Variants in NRXN1 observed in about 807,000 individuals in gnomAD.
The protein encoded by NRXN1 is neurexin 1, also known as neurexin-1.
Under a neutral mutation model 150.9 loss-of-function variants are expected in NRXN1, and 39 were observed. The ratio of observed to expected loss-of-function variants is 0.26; its 90% CI spans 0.20 to 0.34. The LOEUF is 0.34. NRXN1 is among the 10% of genes least tolerant of loss of function. The pLI, the probability that NRXN1 is intolerant of heterozygous loss-of-function variation, is 1.00. For synonymous variants in NRXN1, 924 were observed against 757.0 expected (o/e 1.22, Z -3.62); for missense variants, 1,815 against 1,949.9 (o/e 0.93, Z 1.30).
At position 49,921,915 on chromosome 2, in the gene NRXN1, T is replaced by C. The variant is rs749213325; in HGVS notation, c.*29A>G. On this transcript the variant is annotated 3_prime_UTR_variant, in exon 23 of 23. Transcript: ENST00000401669. ...TCTCAGATAAAATGAAGACTATTTC[T>C]ATACAAGTGTCCATTTAAGATCTTG... 4.4e-6 allele frequency: 7 copies of C among 1,601,322 alleles called. No homozygotes were observed. Among genetic ancestry groups the C allele is most frequent in the Non-Finnish European group, 6.0e-6 (7 of 1,168,428 alleles).
intron 19 of NRXN1, among the ~76,000 whole-genome samples, chr2:50,077,845 C>T (rs1245182910): frequency 6.6e-6 from 1 of 151,990 alleles, no homozygotes; most frequent in South Asian, 2.1e-4. Flanking sequence ...ATAATATGCC[C>T]AAGATGACAA....
At chr2:50,220,670 C>T (rs1205873699) in intron 18 of NRXN1, among the ~76,000 whole-genome samples, 1 of 151,996 alleles carries the variant, frequency 6.6e-6, no homozygotes, top group Non-Finnish European at 1.5e-5. Flanking sequence ...ATTATCAGTT[C>T]CACGTCTTTT....
chr2:50,985,376 A>G (rs1697527281), intron 2 of NRXN1: 1 of 151,936 alleles, frequency 6.6e-6, no homozygotes, highest in Non-Finnish European at 1.5e-5. Context: ...AAAATTACCT[A>G]TATTAGAAGA....
intron 21 of NRXN1, chr2:50,019,399 C>T: frequency 2.2e-6 from 1 of 453,126 alleles, no homozygotes; most frequent in Non-Finnish European, 4.5e-6. Context: ...AATCCTAGCA[C>T]TTTGGGAGGC....
intron 17 of NRXN1, among the ~76,000 whole-genome samples, chr2:50,291,979 C>G (rs2072981979): frequency 6.6e-6 from 1 of 152,068 alleles, no homozygotes; most frequent in South Asian, 2.1e-4. Context: ...CGGTAGATAA[C>G]TCACCCACAG....
At chr2:50,005,207 T>G (rs1036049907) in intron 21 of NRXN1, among the ~76,000 whole-genome samples, 1 of 152,094 alleles carries the variant, frequency 6.6e-6, no homozygotes, top group Non-Finnish European at 1.5e-5. Context: ...ATAATTCTTA[T>G]AACTACACAC....
intron 18 of NRXN1, among the ~76,000 whole-genome samples, chr2:50,100,437 G>C (rs1245343528): frequency 6.6e-6 from 1 of 152,062 alleles, no homozygotes; most frequent in Admixed American, 6.6e-5. Context: ...ACAATGTCAA[G>C]ATGAATTTAG....
chr2:50,637,883 A>C (rs1414379891), intron 5 of NRXN1, among the ~76,000 whole-genome samples: 2 of 152,090 alleles, frequency 1.3e-5, no homozygotes, highest in African/African-American at 4.8e-5. Context: ...TTTAAAAAAA[A>C]AAATTTTCCT....
intron 5 of NRXN1, among the ~76,000 whole-genome samples, chr2:50,908,200 T>C (rs1487716543): frequency 2.6e-5 from 4 of 152,094 alleles, no homozygotes; most frequent in African/African-American, 7.2e-5. Flanking sequence ...TAATGTTTCA[T>C]GTTTTAAAGT....
At chr2:49,981,560 T>C (rs1679994755) in intron 21 of NRXN1, among the ~76,000 whole-genome samples, 2 of 152,066 alleles carry the variant, frequency 1.3e-5, no homozygotes, top group Non-Finnish European at 2.9e-5. Flanking sequence ...TTTCCCGCTC[T>C]TGATAATGAC....
rs116424671 is a variant in NRXN1, at chr2:51,020,696, C to T, written c.772+6806G>A. ...AGTCTGATTAGGTGGTTTCCCAATT[C>T]GCAACCTTAGAAAATGAAACAGAAC... is the stretch of plus-strand genomic sequence containing the variant. On this transcript the variant is annotated intron_variant, in intron 2 of 22. Transcript: ENST00000401669. Among the ~76,000 whole-genome samples the T allele has an allele frequency of 7.8e-3, 1,193 of 152,014 alleles. 20 individuals are homozygous for T. The highest frequency in any genetic ancestry group is 0.027 in the African/African-American group (1,110 of 41,504).
chr2:50,551,856 C>T (rs1420370830), intron 9 of NRXN1, among the ~76,000 whole-genome samples: 1 of 151,928 alleles, frequency 6.6e-6, no homozygotes, highest in Non-Finnish European at 1.5e-5. Flanking sequence ...TCTCTGCTTC[C>T]TGGATGATTA....
chr2:50,993,907 G>A (rs761260704), intron 2 of NRXN1, among the ~76,000 whole-genome samples: 5 of 151,832 alleles, frequency 3.3e-5, no homozygotes, highest in Non-Finnish European at 7.4e-5. Context: ...TTCTTTAACC[G>A]GCATGTATTT....
intron 13 of NRXN1, among the ~76,000 whole-genome samples, chr2:50,500,999 G>C (rs1034041376): frequency 3.9e-5 from 6 of 152,192 alleles, no homozygotes; most frequent in Non-Finnish European, 7.3e-5. Flanking sequence ...GCAGACAAAA[G>C]AGGTTAAGGT....
rs181795910 is a variant in NRXN1 at position 50,499,044 on chromosome 2, G to T, written c.2498-1330C>A. On this transcript the variant is annotated intron_variant, in intron 13 of 22. Coordinates refer to ENST00000401669, the MANE Select transcript of NRXN1 (RefSeq NM_001330078.2). ...CAACCACCTATGTGTGTCCCCTTTG[G>T]CCAGTTTGACAAATTTCCATTTCTT... is the stretch of plus-strand genomic sequence containing the variant. Among the ~76,000 whole-genome samples the T allele has an allele frequency of 2.8e-3, 430 of 152,216 alleles. 3 individuals are homozygous for T. The highest frequency in any genetic ancestry group is 0.027 in the Middle Eastern group (8 of 294).
chr2:50,639,116 A>G (rs955043796), intron 5 of NRXN1, among the ~76,000 whole-genome samples: 3 of 152,096 alleles, frequency 2.0e-5, no homozygotes, highest in Admixed American at 2.0e-4. Flanking sequence ...AAGACCACTC[A>G]GCTTATGAAT....
intron 5 of NRXN1, among the ~76,000 whole-genome samples, chr2:50,874,678 G>T (rs928288746): frequency 2.0e-5 from 3 of 151,570 alleles, no homozygotes; most frequent in African/African-American, 7.3e-5. Flanking sequence ...TCCAACAGGA[G>T]AATTCTTAGT....
At chr2:50,951,437 T>A (rs181541978) in intron 2 of NRXN1, among the ~76,000 whole-genome samples, 1 of 152,296 alleles carries the variant, frequency 6.6e-6, no homozygotes, top group East Asian at 1.9e-4. Flanking sequence ...TGTGTATAAT[T>A]ATCTGAGCCT....
intron 18 of NRXN1, among the ~76,000 whole-genome samples, chr2:50,109,067 T>C (rs540438440): frequency 1.3e-5 from 2 of 152,032 alleles, no homozygotes; most frequent in African/African-American, 4.8e-5. Context: ...AAAATGTGAG[T>C]TTAATGAAAC....
Sources: gnomAD v4.1 joint callset for allele counts (sites outside exome capture counted in the v4.1 genomes callset) on GRCh38, gnomAD v4.1.1 for gene constraint, MANE v1.5 for transcripts, NCBI Gene and HGNC (gene_info 2026-07-23, HGNC 2026-07-21) for gene names.